The following TEX15 variants were observed in gnomAD, a reference collection of about 807,000 sequenced individuals.
TEX15 encodes testis-expressed protein 15.
TEX15 carries 171 observed loss-of-function variants against 237.3 expected under a neutral mutation model. The observed-to-expected ratio is 0.72, with a 90% CI of 0.64 to 0.82. The LOEUF (loss-of-function observed/expected upper bound fraction) is 0.82. TEX15 is among the 40% of genes least tolerant of loss of function. The probability of loss-of-function intolerance (pLI) is 0.00; values close to 1 mark genes in which losing one functional copy is unlikely to be tolerated. For missense variants in TEX15, 3,750 were observed against 3,646.5 expected, an observed-to-expected ratio of 1.03 and a Z score of -0.73; for synonymous variants, 1,338 against 1,269.8, an observed-to-expected ratio of 1.05 and a Z score of -1.14.
chr8:30,844,343 A>T lies in TEX15; in HGVS notation c.5824T>A (p.Ser1942Thr). 1 of 1,612,012 alleles carries T rather than the reference A, an allele frequency of 6.2e-7. No homozygotes were observed. Among genetic ancestry groups the T allele is most frequent in the Non-Finnish European group, 8.5e-7 (1 of 1,179,256 alleles). Residue 1942 changes from serine (S) to threonine (T), a missense_variant, in exon 8 of 11, where the codon TCA becomes ACA. Physicochemically the swap from Ser to Thr is moderately conservative, Grantham distance 58 (BLOSUM62 1). Transcript: ENST00000643185. ...KDSQSDLTLH[S>T]EIAYISKPGI... ...GGTTTGGAAATATAGGCTATTTCTG[A>T]ATGTAATGTCAAGTCAGACTGCGAG...
At chr8:30,861,190 A>G (rs1009348069) in intron 5 of TEX15, among the ~76,000 whole-genome samples, 3 of 152,220 alleles carry the variant, frequency 2.0e-5, no homozygotes, top group Non-Finnish European at 4.4e-5. Context: ...AACAGAAAAA[A>G]TTAAATTCTT....
chr8:30,912,066 G>A (rs1477980408), intron 1 of TEX15, among the ~76,000 whole-genome samples: 1 of 152,194 alleles, frequency 6.6e-6, no homozygotes, highest in Non-Finnish European at 1.5e-5. Context: ...GGGCGCGCCA[G>A]TCCTCCTGCA....
intron 1 of TEX15, among the ~76,000 whole-genome samples, chr8:30,902,247 G>A (rs1199514912): frequency 7.8e-6 from 1 of 127,966 alleles, no homozygotes; most frequent in Admixed American, 8.5e-5. Flanking sequence ...TTTCCTTAAT[G>A]TATCAGGAAT....
chr8:30,906,898 T>C (rs766534618), intron 1 of TEX15, among the ~76,000 whole-genome samples: 3 of 152,176 alleles, frequency 2.0e-5, no homozygotes, highest in Non-Finnish European at 4.4e-5. Context: ...AAAAATTGCA[T>C]TTTCTAGAGA....
chr8:30,895,297 C>CAAAAAAAA (rs34514049), intron 2 of TEX15, among the ~76,000 whole-genome samples: 3 of 60,496 alleles, frequency 5.0e-5, no homozygotes, highest in Non-Finnish European at 1.1e-4. Context: ...GACTCCATCT[C>CAAAAAAAA]AAAAAAAAAA....
chr8:30,849,340 A>C, intron 7 of TEX15, 24 bp from the exon 8 acceptor site: 2 of 1,422,166 alleles, frequency 1.4e-6, no homozygotes, highest in Non-Finnish European at 1.9e-6. Flanking sequence ...AAGGAAGACA[A>C]ATTTGAAAAA....
chr8:30,852,375 G>T (rs2128769133), intron 7 of TEX15, among the ~76,000 whole-genome samples: 1 of 152,036 alleles, frequency 6.6e-6, no homozygotes, highest in African/African-American at 2.4e-5. Context: ...TTACAAGTGT[G>T]AGCCACCGCG....
At chr8:30,874,355 T>C (rs1349719705) in intron 4 of TEX15, among the ~76,000 whole-genome samples, 1 of 152,228 alleles carries the variant, frequency 6.6e-6, no homozygotes, top group Non-Finnish European at 1.5e-5. Context: ...ACACAAAATC[T>C]ATACCTATAA....
At chr8:30,895,930 T>C (rs989382388) in intron 2 of TEX15, among the ~76,000 whole-genome samples, 2 of 152,088 alleles carry the variant, frequency 1.3e-5, no homozygotes, top group African/African-American at 4.8e-5. Flanking sequence ...CCATCCACCT[T>C]GGCCTCCCAA....
At position 30,842,898 on chromosome 8, in the gene TEX15, A is replaced by G. The variant is rs757883773; in HGVS notation, c.7269T>C (p.Val2423=). The change falls in exon 8 of 11, where the codon GTT becomes GTC. Residue 2423 remains valine (V), a synonymous_variant. Coordinates refer to ENST00000643185, the MANE Select transcript of TEX15 (RefSeq NM_001350162.2). ...MDNIFITEEN[V]LDVVINHSHE... is the part of the protein sequence containing the mutation. ...GGCTGTGGTTTATCACCACGTCTAA[A>G]ACATTTTCTTCTGTGATAAAAATAT... 1.9e-6 allele frequency: 3 copies of G among 1,609,774 alleles called. No individual in the cohort carries two copies. Among genetic ancestry groups the G allele is most frequent in the Non-Finnish European group, 2.5e-6 (3 of 1,177,634 alleles).
rs776182922 is a variant in TEX15, at chr8:30,844,234, G to A, written c.5933C>T (p.Ala1978Val). 79 of 1,612,152 alleles carry A rather than the reference G, an allele frequency of 4.9e-5. No homozygotes were observed. The highest frequency in any genetic ancestry group is 1.3e-4 in the East Asian group (6 of 44,876). ...CKVPTLLKKP[A>V]SYVSDFKEKH... ...TTCTTTAAAATCACTCACGTATGAC[G>A]CAGGTTTCTTCAGAAGAGTAGGGAC... The change falls in exon 8 of 11, where the codon GCG (alanine) becomes GTG (valine). Residue 1978 changes from alanine to valine, a missense_variant. By Grantham distance (64) the Ala-to-Val change is moderately conservative (BLOSUM62 0). Coordinates refer to ENST00000643185, the MANE Select transcript of TEX15 (RefSeq NM_001350162.2).
intron 1 of TEX15, among the ~76,000 whole-genome samples, chr8:30,909,394 A>ACCCCCCCCCCCC (rs35046956): frequency 3.5e-4 from 41 of 118,394 alleles, no homozygotes; most frequent in African/African-American, 7.2e-4. Flanking sequence ...TTAAAGACAG[A>ACCCCCCCCCCCC]CCCCCCCCCG....
At chr8:30,899,455 C>T (rs1013182918) in intron 1 of TEX15, among the ~76,000 whole-genome samples, 11 of 152,114 alleles carry the variant, frequency 7.2e-5, no homozygotes, top group Admixed American at 3.3e-4. Context: ...TTTGTGTGTG[C>T]GTGTGAGACA....
In TEX15 at chr8:30,842,624, C is replaced by T. The variant is rs2128767159; in HGVS notation, c.7543G>A (p.Val2515Ile). The T allele has an allele frequency of 6.2e-7, 1 of 1,611,620 alleles. No individual in the cohort carries two copies. The change falls in exon 8 of 11, where the codon GTT (valine) becomes ATT (isoleucine). Residue 2515 changes from valine to isoleucine, a missense_variant. Transcript: ENST00000643185. Reference sequence around the variant, plus strand: ...TCCAGATCTTTCTTAAGTTCGGAAACAGCAGTCTCTATCACTTTCCAAAGG... The same window carrying T: ...TCCAGATCTTTCTTAAGTTCGGAAATAGCAGTCTCTATCACTTTCCAAAGG... ...VCLWKVIETA[V>I]SELKKDLDII...
At chr8:30,866,623 T>A (rs915837903) in intron 5 of TEX15, among the ~76,000 whole-genome samples, 1 of 152,112 alleles carries the variant, frequency 6.6e-6, no homozygotes, top group Non-Finnish European at 1.5e-5. Context: ...CAATGGATAC[T>A]TCTTATTCCA....
chr8:30,868,394 A>G (rs1162400426), intron 4 of TEX15, among the ~76,000 whole-genome samples: 1 of 152,056 alleles, frequency 6.6e-6, no homozygotes, highest in Non-Finnish European at 1.5e-5. Flanking sequence ...ACTAGGGTCC[A>G]AATGATTATC....
At chr8:30,909,000 C>T (rs1166314953) in intron 1 of TEX15, among the ~76,000 whole-genome samples, 1 of 152,072 alleles carries the variant, frequency 6.6e-6, no homozygotes, top group Admixed American at 6.6e-5. Flanking sequence ...TGCTGTGCAA[C>T]GTGTAAATGT....
At chr8:30,841,495 T>C (rs1481845828) in intron 8 of TEX15, among the ~76,000 whole-genome samples, 2 of 152,240 alleles carry the variant, frequency 1.3e-5, no homozygotes, top group Admixed American at 6.5e-5. Flanking sequence ...TTAAATGCTT[T>C]AGACAATTTG....
chr8:30,855,168 G>C (rs886723103), intron 7 of TEX15, among the ~76,000 whole-genome samples: 3 of 152,000 alleles, frequency 2.0e-5, no homozygotes, highest in Admixed American at 2.0e-4. Flanking sequence ...TCTATTCACA[G>C]ATGACATGAT....
Sources: gnomAD v4.1 joint callset for allele counts (sites outside exome capture counted in the v4.1 genomes callset) on GRCh38, gnomAD v4.1.1 for gene constraint, MANE v1.5 for transcripts, NCBI Gene and HGNC (gene_info 2026-07-23, HGNC 2026-07-21) for gene names.